The following MB21D2 variants were observed in gnomAD, a reference collection of about 807,000 sequenced individuals.
MB21D2 encodes the protein Mab-21 domain containing 2.
Under a neutral mutation model 33.3 loss-of-function variants are expected in MB21D2, and 9 were observed. The ratio of observed to expected loss-of-function variants is 0.27; its 90% confidence interval spans 0.16 to 0.47. MB21D2 has a LOEUF of 0.47. MB21D2 is among the 20% of genes least tolerant of loss of function. MB21D2 has a pLI of 0.99. For synonymous variants in MB21D2, 241 were observed against 236.3 expected (o/e 1.02, Z -0.18); for missense variants, 540 against 624.6 (o/e 0.86, Z 1.44).
chr3:192,818,395 A>G (rs928163447), intron 1 of MB21D2, among the ~76,000 whole-genome samples: 4 of 152,078 alleles, frequency 2.6e-5, no homozygotes, highest in African/African-American at 7.3e-5. Flanking sequence ...TTCACATGCA[A>G]TTTTCCTAGA....
At chr3:192,916,098 T>TATATATATATATA (rs1714458733) in intron 1 of MB21D2, among the ~76,000 whole-genome samples, 1 of 139,176 alleles carries the variant, frequency 7.2e-6, no homozygotes, top group African/African-American at 2.8e-5. Context: ...CTACCAGGTT[T>TATATATATATATA]TATATATATA....
intron 1 of MB21D2, among the ~76,000 whole-genome samples, chr3:192,877,464 A>G (rs1220246748): frequency 6.6e-6 from 1 of 152,088 alleles, no homozygotes; most frequent in Non-Finnish European, 1.5e-5. Context: ...TCCTTTAACA[A>G]TATCTGAATT....
At chr3:192,879,120 T>A (rs1268544703) in intron 1 of MB21D2, among the ~76,000 whole-genome samples, 1 of 152,104 alleles carries the variant, frequency 6.6e-6, no homozygotes, top group African/African-American at 2.4e-5. Context: ...TCACACTGAT[T>A]CTAAAATCCA....
rs1261016985 is a variant in MB21D2 at position 192,828,657 on chromosome 3, T to C, written c.212-29007A>G. Among the ~76,000 whole-genome samples the C allele has an allele frequency of 5.3e-5, 3 of 57,122 alleles. No individual in the cohort carries two copies. In the East Asian group the frequency reaches 1.8e-3, roughly 34 times the overall value. The allele number at this position is 57,122 out of a possible 152,430, so 37.5% of individuals were successfully genotyped here. A position where few individuals can be genotyped will look rare whatever the true frequency, so the allele number is the denominator to read the frequency against. On this transcript the variant is annotated intron_variant, in intron 1 of 1. Transcript: ENST00000392452. Reference sequence around the variant, plus strand: ...ATATATATATATATATATATATATATATATATTTTGAGACGGAGTCTCGCT... The same window carrying C: ...ATATATATATATATATATATATATACATATATTTTGAGACGGAGTCTCGCT...
intron 1 of MB21D2, among the ~76,000 whole-genome samples, chr3:192,848,622 C>T (rs763800410): frequency 1.4e-4 from 22 of 152,292 alleles, no homozygotes; most frequent in Non-Finnish European, 2.1e-4. Context: ...ATATTTCTAA[C>T]GTGAATAAAA....
chr3:192,823,596 A>G (rs1712104979), intron 1 of MB21D2, among the ~76,000 whole-genome samples: 1 of 152,186 alleles, frequency 6.6e-6, no homozygotes, highest in Non-Finnish European at 1.5e-5. Flanking sequence ...CAGAGGTTGC[A>G]GTGAGACAAG....
chr3:192,816,017 C>G (rs1016400341), intron 1 of MB21D2, among the ~76,000 whole-genome samples: 1 of 152,114 alleles, frequency 6.6e-6, no homozygotes. Context: ...GTGATGGGCA[C>G]AATTACAGCT....
At chr3:192,915,492 T>C (rs1714442581) in intron 1 of MB21D2, among the ~76,000 whole-genome samples, 1 of 152,210 alleles carries the variant, frequency 6.6e-6, no homozygotes, top group Admixed American at 6.5e-5. Flanking sequence ...CATTTCGCCA[T>C]CTGCCTTCTA....
chr3:192,867,338 T>G (rs1374887979), intron 1 of MB21D2, among the ~76,000 whole-genome samples: 1 of 152,160 alleles, frequency 6.6e-6, no homozygotes, highest in African/African-American at 2.4e-5. Context: ...AGCCTGAGGC[T>G]GATACAAAGC....
At chr3:192,868,680 G>A (rs1713220888) in intron 1 of MB21D2, among the ~76,000 whole-genome samples, 1 of 152,038 alleles carries the variant, frequency 6.6e-6, no homozygotes, top group African/African-American at 2.4e-5. Context: ...AATATACCGA[G>A]GCTCCATTTT....
intron 1 of MB21D2, among the ~76,000 whole-genome samples, chr3:192,871,401 G>C (rs1328059119): frequency 6.6e-6 from 1 of 152,132 alleles, no homozygotes; most frequent in Non-Finnish European, 1.5e-5. Flanking sequence ...TCTCTCTTGA[G>C]CATTTACTGT....
rs1016143948 is a variant in MB21D2, at chr3:192,799,114, T to C, written c.748A>G (p.Ser250Gly). The C allele has an allele frequency of 6.2e-7, 1 of 1,614,046 alleles. No individual in the cohort carries two copies. Among genetic ancestry groups the C allele is most frequent in the African/African-American group, 1.3e-5 (1 of 74,936 alleles). Residue 250 changes from serine (S) to glycine (G), a missense_variant, in exon 2 of 2, where the codon AGC (serine) becomes GGC (glycine). Physicochemically the swap from Ser to Gly is moderately conservative, Grantham distance 56 (BLOSUM62 0). Transcript: ENST00000392452. This position sits in a 1 kb window ranked among gnomAD's most constrained non-coding sequence, Gnocchi z 4.1. ...SFKGWPAVAQ[S>G]WLMENHFWDG... ...CAAAAGTGGTTCTCCATGAGCCAGCTCTGGGCCACTGCAGGCCAACCTTTG... is the reference window on the plus strand; with the variant it reads ...CAAAAGTGGTTCTCCATGAGCCAGCCCTGGGCCACTGCAGGCCAACCTTTG...
chr3:192,871,197 C>T (rs145843239), intron 1 of MB21D2, among the ~76,000 whole-genome samples: 1,602 of 152,288 alleles, frequency 0.011, 21 homozygotes, highest in Admixed American at 0.02. Flanking sequence ...CCACCCACCC[C>T]GCCCTTGTTG....
chr3:192,803,314 G>A (rs1711593036), intron 1 of MB21D2, among the ~76,000 whole-genome samples: 1 of 152,074 alleles, frequency 6.6e-6, no homozygotes, highest in Non-Finnish European at 1.5e-5. Context: ...TCAAGTATTT[G>A]GCTAAATTCT....
At chr3:192,853,331 C>T (rs1712847722) in intron 1 of MB21D2, among the ~76,000 whole-genome samples, 1 of 152,194 alleles carries the variant, frequency 6.6e-6, no homozygotes, top group Non-Finnish European at 1.5e-5. Flanking sequence ...CTTTAGGAGG[C>T]ACTTCCGTGA....
At chr3:192,815,382 G>A (rs774750988) in intron 1 of MB21D2, among the ~76,000 whole-genome samples, 7 of 152,180 alleles carry the variant, frequency 4.6e-5, no homozygotes, top group Non-Finnish European at 7.4e-5. Flanking sequence ...GTCTCAAACC[G>A]AGAGGCTTGT....
At chr3:192,892,662 C>T (rs1185356350) in intron 1 of MB21D2, among the ~76,000 whole-genome samples, 3 of 152,014 alleles carry the variant, frequency 2.0e-5, no homozygotes, top group Admixed American at 1.3e-4. Context: ...AGGCCGGTCT[C>T]GAACTCCTGA....
chr3:192,828,075 C>T (rs1292686961), intron 1 of MB21D2, among the ~76,000 whole-genome samples: 2 of 152,020 alleles, frequency 1.3e-5, no homozygotes, highest in South Asian at 2.1e-4. Flanking sequence ...TTTTGCCTTC[C>T]GCCATGTTTG....
chr3:192,822,485 T>C (rs987764597), intron 1 of MB21D2, among the ~76,000 whole-genome samples: 3 of 150,658 alleles, frequency 2.0e-5, no homozygotes, highest in African/African-American at 4.9e-5. Context: ...TTCTAATAGA[T>C]GTAAGAGCAA....
Sources: allele counts gnomAD v4.1 joint callset (sites outside exome capture counted in the v4.1 genomes callset), GRCh38; gene constraint gnomAD v4.1.1; non-coding constraint Gnocchi (gnomAD v3.1); transcripts MANE v1.5; gene names NCBI Gene and HGNC (gene_info 2026-07-23, HGNC 2026-07-21).